Variants in LINGO2 observed in about 807,000 individuals in gnomAD.
LINGO2 encodes the protein leucine-rich repeat and immunoglobulin-like domain-containing nogo receptor-interacting protein 2.
In LINGO2, 14 loss-of-function variants were observed where a neutral mutation model predicts 30.6. The ratio of observed to expected loss-of-function variants is 0.46; its 90% confidence interval spans 0.30 to 0.72. The LOEUF is 0.72. Ranked by LOEUF, LINGO2 falls within the 30% of genes least tolerant of loss-of-function variation. The pLI is 0.07. For synonymous variants in LINGO2, 317 were observed against 288.5 expected (o/e 1.10, Z -1.00); for missense variants, 729 against 751.7 (o/e 0.97, Z 0.35).
intron 5 of LINGO2, among the ~76,000 whole-genome samples, chr9:27,980,156 C>T (rs1226157124): frequency 6.6e-6 from 1 of 151,894 alleles, no homozygotes; most frequent in Non-Finnish European, 1.5e-5. Context: ...TCCTGCTTAG[C>T]CAGAAGAAGC....
the LINGO2 span, among the ~76,000 whole-genome samples, chr9:29,061,102 G>A: frequency 6.6e-6 from 1 of 151,976 alleles, no homozygotes; most frequent in Non-Finnish European, 1.5e-5. Flanking sequence ...GGAAAAAAAT[G>A]TAAAATCTTG....
intron 4 of LINGO2, among the ~76,000 whole-genome samples, chr9:28,280,434 T>C (rs1823279248): frequency 6.6e-6 from 1 of 152,154 alleles, no homozygotes; most frequent in African/African-American, 2.4e-5. Flanking sequence ...AGTTTGTGAA[T>C]TTAAGATCTT....
At chr9:29,082,314 A>G in the LINGO2 span, among the ~76,000 whole-genome samples, 1 of 152,216 alleles carries the variant, frequency 6.6e-6, no homozygotes, top group Non-Finnish European at 1.5e-5. Context: ...AACCTGACAA[A>G]CACAAGAAAT....
intron 4 of LINGO2, among the ~76,000 whole-genome samples, chr9:28,123,423 T>C (rs976811959): frequency 6.6e-6 from 1 of 152,276 alleles, no homozygotes; most frequent in Admixed American, 6.5e-5. Context: ...GTTTCTTTCC[T>C]TTTCTCTCAG....
chr9:28,631,395 C>A (rs1826932213), intron 1 of LINGO2, among the ~76,000 whole-genome samples: 1 of 146,562 alleles, frequency 6.8e-6, no homozygotes, highest in South Asian at 2.2e-4. Context: ...ACATTTAAGT[C>A]TTTAATCTGT....
At chr9:28,882,210 G>C in the LINGO2 span, among the ~76,000 whole-genome samples, 1 of 152,072 alleles carries the variant, frequency 6.6e-6, no homozygotes. Flanking sequence ...ATTTAATTTT[G>C]TATAGACAGC....
intron 3 of LINGO2, among the ~76,000 whole-genome samples, chr9:28,362,781 T>C (rs1820503863): frequency 6.6e-6 from 1 of 152,178 alleles, no homozygotes. Context: ...GAAAAGTTAT[T>C]TGACTTTGAC....
At chr9:27,950,998 G>A (rs1819280005) in intron 5 of LINGO2, among the ~76,000 whole-genome samples, 1 of 152,186 alleles carries the variant, frequency 6.6e-6, no homozygotes, top group Non-Finnish European at 1.5e-5. Flanking sequence ...TAAAGATAAT[G>A]TGTGACACAG....
At chr9:28,655,003 C>T (rs1162041705) in intron 1 of LINGO2, among the ~76,000 whole-genome samples, 2 of 152,080 alleles carry the variant, frequency 1.3e-5, no homozygotes, top group Non-Finnish European at 2.9e-5. Flanking sequence ...ATTCATAAAA[C>T]ATTTGAAATA....
At chr9:28,190,921 G>A (rs956435938) in intron 4 of LINGO2, among the ~76,000 whole-genome samples, 3 of 152,180 alleles carry the variant, frequency 2.0e-5, no homozygotes, top group African/African-American at 7.2e-5. Context: ...ACAGATGTCA[G>A]CTCTCTTTTT....
At chr9:29,151,562 C>T in the LINGO2 span, among the ~76,000 whole-genome samples, 16 of 151,888 alleles carry the variant, frequency 1.1e-4, no homozygotes, top group Admixed American at 2.0e-4. Flanking sequence ...AGTGGAGAAA[C>T]ATCTACCATG....
intron 1 of LINGO2, among the ~76,000 whole-genome samples, chr9:28,521,303 T>C (rs1820820188): frequency 6.6e-6 from 1 of 152,134 alleles, no homozygotes; most frequent in Non-Finnish European, 1.5e-5. Flanking sequence ...CAGCTAACTT[T>C]CCTGCTATAC....
At chr9:27,993,192 T>C (rs1209114381) in intron 5 of LINGO2, among the ~76,000 whole-genome samples, 1 of 152,144 alleles carries the variant, frequency 6.6e-6, no homozygotes, top group Non-Finnish European at 1.5e-5. Context: ...TTATGTCATA[T>C]TAAATTGGTA....
intron 1 of LINGO2, among the ~76,000 whole-genome samples, chr9:28,583,030 A>G (rs1427334572): frequency 6.6e-6 from 1 of 152,038 alleles, no homozygotes; most frequent in African/African-American, 2.4e-5. Flanking sequence ...CAATCATTAA[A>G]TGAGGGAAAA....
chr9:28,952,057 C>T, the LINGO2 span, among the ~76,000 whole-genome samples: 3 of 152,128 alleles, frequency 2.0e-5, no homozygotes, highest in African/African-American at 7.2e-5. Context: ...AGTTCTCAAA[C>T]ACATTTGTCA....
intron 3 of LINGO2, among the ~76,000 whole-genome samples, chr9:28,354,284 T>G (rs1020042615): frequency 6.6e-6 from 1 of 152,228 alleles, no homozygotes; most frequent in Non-Finnish European, 1.5e-5. Flanking sequence ...GGATGTACTA[T>G]GTTGCGGTTC....
chr9:29,159,846 AAG>A, the LINGO2 span, among the ~76,000 whole-genome samples: 1 of 151,700 alleles, frequency 6.6e-6, no homozygotes, highest in Admixed American at 6.6e-5. Context: ...AAAAAAAAAA[AAG>A]AGTACTTTGT....
At chr9:28,839,197 G>A in the LINGO2 span, among the ~76,000 whole-genome samples, 7 of 152,272 alleles carry the variant, frequency 4.6e-5, no homozygotes, top group African/African-American at 7.2e-5. Context: ...AGTGAGGGGC[G>A]TGTTTCAGAT....
chr9:28,365,514 C>T (rs1820630052), intron 3 of LINGO2, among the ~76,000 whole-genome samples: 2 of 152,084 alleles, frequency 1.3e-5, no homozygotes, highest in African/African-American at 4.8e-5. Flanking sequence ...GCACCACGTT[C>T]CTAACCTGGA....
Sources: allele counts gnomAD v4.1 joint callset (sites outside exome capture counted in the v4.1 genomes callset), GRCh38; gene constraint gnomAD v4.1.1; transcripts MANE v1.5; gene names NCBI Gene and HGNC (gene_info 2026-07-23, HGNC 2026-07-21).